The following PCDH10 variants were observed in gnomAD, a reference collection of about 807,000 sequenced individuals.
PCDH10 encodes protocadherin 10.
Under a neutral mutation model 74.4 loss-of-function variants are expected in PCDH10, and 15 were observed. That is an observed-to-expected ratio of 0.20 (90% CI 0.13 to 0.31). The LOEUF (loss-of-function observed/expected upper bound fraction) is 0.31, where lower values mean the gene tolerates loss of function less well. PCDH10 is among the 10% of genes least tolerant of loss of function. PCDH10 has a pLI of 1.00. For synonymous variants in PCDH10, 619 were observed against 589.8 expected, an observed-to-expected ratio of 1.05 and a Z score of -0.72; for missense variants, 1,260 against 1,390.2, an observed-to-expected ratio of 0.91 and a Z score of 1.49.
intron 2 of PCDH10, among the ~76,000 whole-genome samples, chr4:133,206,634 T>C (rs1367122840): frequency 1.3e-5 from 2 of 152,190 alleles, no homozygotes; most frequent in African/African-American, 4.8e-5. Context: ...TTCAGAATGT[T>C]GTCATAGTTA....
chr4:133,150,630 A>C lies in PCDH10; in HGVS notation c.490A>C (p.Asn164His). Residue 164 changes from asparagine to histidine, a missense_variant, in exon 1 of 5, where the codon AAC (asparagine) becomes CAC (histidine). Asn to His is a moderately conservative substitution (Grantham distance 68). Around this residue, in one of 11 missense-constraint regions of PCDH10, gnomAD observed 35 missense variants for 29.1 expected, o/e 1.20. Transcript: ENST00000264360. ...NSLRDYEITPNSYFSLDVQTQ... is the reference protein window; with the variant it reads ...NSLRDYEITPHSYFSLDVQTQ... Reference sequence around the variant, plus strand: ...CTTGCGCGACTACGAGATCACCCCCAACAGCTACTTCTCCCTGGACGTGCA... The same window carrying C: ...CTTGCGCGACTACGAGATCACCCCCCACAGCTACTTCTCCCTGGACGTGCA... 1 of 1,613,246 alleles carries C rather than the reference A, an allele frequency of 6.2e-7. No homozygotes were observed. Among genetic ancestry groups the C allele is most frequent in the Non-Finnish European group, 8.5e-7 (1 of 1,179,950 alleles).
rs1727715426 is a variant in PCDH10 at position 133,193,074 on chromosome 4, CAA to C, written c.*2916_*2917del. The C allele has an allele frequency of 6.7e-6, 1 of 148,356 alleles. No homozygotes were observed. The highest frequency in any genetic ancestry group is 1.5e-5 in the Non-Finnish European group (1 of 66,912). The allele number at this position is 148,356 out of a possible 1,614,324, so 9.2% of individuals were successfully genotyped here. A position where few individuals can be genotyped will look rare whatever the true frequency, so the allele number is the denominator to read the frequency against. ...TTAACATGGTTAGTTTTAGAGCAGT[CAA>C]AGTCAAAAAAAATTTCCTGTGGAAA... On this transcript the variant is annotated 3_prime_UTR_variant, in exon 5 of 5. Transcript: ENST00000264360.
Position 133,151,056 on chromosome 4 carries a change from C to A in PCDH10, c.916C>A (p.Arg306Ser), listed in dbSNP as rs778087588. The change falls in exon 1 of 5, where the codon CGC becomes AGC. Residue 306 changes from arginine (R) to serine (S), a missense_variant. Around this residue, in one of 11 missense-constraint regions of PCDH10, gnomAD observed 192 missense variants for 161.2 expected, o/e 1.19. Transcript: ENST00000264360. Reference protein sequence around the residue: ...RARELFGLSPRTGRLEVSGEL... With the variant: ...RARELFGLSPSTGRLEVSGEL... ...GCGGGAGCTTTTCGGACTCTCGCCGCGCACTGGCAGACTGGAGGTAAGCGG... is the reference window on the plus strand; with the variant it reads ...GCGGGAGCTTTTCGGACTCTCGCCGAGCACTGGCAGACTGGAGGTAAGCGG... 1.9e-6 allele frequency: 3 copies of A among 1,614,034 alleles called. No individual in the cohort carries two copies. Among genetic ancestry groups the A allele is most frequent in the Non-Finnish European group, 1.7e-6 (2 of 1,180,028 alleles).
At chr4:133,162,889 C>A in intron 3 of PCDH10, 88 bp from the exon 4 acceptor site, 1 of 1,111,420 alleles carries the variant, frequency 9.0e-7, no homozygotes, top group Non-Finnish European at 1.3e-6. Flanking sequence ...TCACTTGTCA[C>A]CCTTTATGCT....
At chr4:133,177,643 T>TAA (rs1727322622) in intron 4 of PCDH10, among the ~76,000 whole-genome samples, 1 of 152,164 alleles carries the variant, frequency 6.6e-6, no homozygotes, top group Non-Finnish European at 1.5e-5. Context: ...TTTACAATGA[T>TAA]AAAGTTCTTG....
At chr4:133,182,083 T>C (rs1727429015) in intron 4 of PCDH10, among the ~76,000 whole-genome samples, 1 of 152,134 alleles carries the variant, frequency 6.6e-6, no homozygotes, top group Non-Finnish European at 1.5e-5. Context: ...GAATTTATAC[T>C]TGATTTTCGT....
chr4:133,205,295 T>C (rs534413877), intron 2 of PCDH10, among the ~76,000 whole-genome samples: 1 of 152,340 alleles, frequency 6.6e-6, no homozygotes, highest in South Asian at 2.1e-4. Context: ...AATTAAGGAC[T>C]TGGTCAGGCT....
intron 3 of PCDH10, 40 bp downstream of exon 3, chr4:133,155,063 T>C (rs1443824789): frequency 7.4e-7 from 1 of 1,354,740 alleles, no homozygotes; most frequent in South Asian, 1.2e-5. Context: ...CTAACTTTTA[T>C]AGTTTTTGTT....
intron 4 of PCDH10, among the ~76,000 whole-genome samples, chr4:133,175,770 C>T (rs1727284674): frequency 1.3e-5 from 2 of 152,038 alleles, no homozygotes; most frequent in Admixed American, 1.3e-4. Flanking sequence ...GTGATATGCT[C>T]AGGGTCATCC....
intron 4 of PCDH10, among the ~76,000 whole-genome samples, chr4:133,178,763 G>A (rs1366445812): frequency 6.6e-6 from 1 of 152,066 alleles, no homozygotes; most frequent in Non-Finnish European, 1.5e-5. Flanking sequence ...CCTAGGGTCA[G>A]GTTTACTTGT....
At chr4:133,194,967 T>G (rs184049734), downstream of PCDH10, among the ~76,000 whole-genome samples, 1 of 151,948 alleles carries the variant, frequency 6.6e-6, no homozygotes, top group Non-Finnish European at 1.5e-5. Context: ...AAGATTAACA[T>G]AGAGGTTGTA....
In PCDH10 at chr4:133,150,414, G is replaced by T; in HGVS notation, c.274G>T (p.Val92Phe). ...EQICKQSPSC[V>F]LHLEVFLENP... ...AATCTGCAAACAGAGCCCCTCCTGT[G>T]TCCTGCACCTGGAGGTCTTTCTGGA... Residue 92 changes from valine to phenylalanine, a missense_variant, in exon 1 of 5, where the codon GTC (valine) becomes TTC (phenylalanine). Val to Phe is a conservative substitution (Grantham distance 50). Coordinates refer to ENST00000264360, the MANE Select transcript of PCDH10 (RefSeq NM_032961.3). 6.2e-7 allele frequency: 1 copy of T among 1,614,044 alleles called. No homozygotes were observed.
At chr4:133,170,984 T>A (rs1027838422) in intron 4 of PCDH10, among the ~76,000 whole-genome samples, 3 of 152,040 alleles carry the variant, frequency 2.0e-5, no homozygotes, top group Admixed American at 6.5e-5. Context: ...GTAGTCTATT[T>A]TTTTTTTAAG....
At chr4:133,204,643 A>T (rs1727966977) in intron 2 of PCDH10, among the ~76,000 whole-genome samples, 1 of 152,222 alleles carries the variant, frequency 6.6e-6, no homozygotes, top group Admixed American at 6.5e-5. Context: ...TGGCCTTCCC[A>T]GTATCATGAA....
intron 4 of PCDH10, among the ~76,000 whole-genome samples, chr4:133,183,521 T>C (rs1727463438): frequency 6.6e-6 from 1 of 152,158 alleles, no homozygotes; most frequent in African/African-American, 2.4e-5. Flanking sequence ...TAAAAGCTCC[T>C]ATTTTTAAAG....
Position 133,152,477 on chromosome 4 carries a change from G to A in PCDH10, c.2337G>A (p.Lys779=), listed in dbSNP as rs769332391. ...TCCGRQARAR[K]KKLSKSDIML... is the part of the protein sequence containing the mutation. ...GTGGCCGCCAAGCCCGGGCGCGCAA[G>A]AAGAAACTCAGCAAGTCAGACATCA... is the stretch of plus-strand genomic sequence containing the variant. The change falls in exon 1 of 5, where the codon AAG becomes AAA. Residue 779 remains lysine, a synonymous_variant. Coordinates refer to ENST00000264360, the MANE Select transcript of PCDH10 (RefSeq NM_032961.3). 2 of 1,614,136 alleles carry A rather than the reference G, an allele frequency of 1.2e-6. No individual in the cohort carries two copies. Among genetic ancestry groups the A allele is most frequent in the Admixed American group, 1.7e-5 (1 of 60,020 alleles).
At chr4:133,186,015 A>G (rs1727535523) in intron 4 of PCDH10, among the ~76,000 whole-genome samples, 1 of 152,140 alleles carries the variant, frequency 6.6e-6, no homozygotes, top group South Asian at 2.1e-4. Flanking sequence ...CATTTGTCTT[A>G]AGTCATTAGT....
intron 4 of PCDH10, among the ~76,000 whole-genome samples, chr4:133,185,538 T>A (rs1440192663): frequency 6.6e-6 from 1 of 152,174 alleles, no homozygotes; most frequent in Non-Finnish European, 1.5e-5. Flanking sequence ...GATGTGCTTT[T>A]ACATAGAGCG....
At chr4:133,204,026 G>A (rs1029651167) in intron 2 of PCDH10, among the ~76,000 whole-genome samples, 1 of 152,106 alleles carries the variant, frequency 6.6e-6, no homozygotes, top group Non-Finnish European at 1.5e-5. Context: ...GTTTTAAGAC[G>A]GGCTGGCAAG....
Sources: gnomAD v4.1 joint callset for allele counts (sites outside exome capture counted in the v4.1 genomes callset) on GRCh38, gnomAD v4.1.1 for gene constraint, gnomAD v4.1.1 regional missense constraint, MANE v1.5 for transcripts, NCBI Gene and HGNC (gene_info 2026-07-23, HGNC 2026-07-21) for gene names.